Variants in GRIP1 observed in about 807,000 individuals in gnomAD.
The protein encoded by GRIP1 is glutamate receptor interacting protein 1.
A neutral mutation model predicts 129.9 loss-of-function variants in GRIP1; 45 were observed. The ratio of observed to expected loss-of-function variants is 0.35; its 90% CI spans 0.27 to 0.44. GRIP1 has a LOEUF of 0.44. GRIP1 is among the 20% of genes least tolerant of loss of function. GRIP1 has a pLI of 1.00. For missense variants in GRIP1, 1,196 were observed against 1,396.8 expected (o/e 0.86, Z 2.29); for synonymous variants, 530 against 520.8 (o/e 1.02, Z -0.24).
intron 7 of GRIP1, among the ~76,000 whole-genome samples, chr12:66,506,028 G>A (rs1565808369): frequency 1.3e-5 from 2 of 152,092 alleles, no homozygotes; most frequent in Non-Finnish European, 2.9e-5. Context: ...TGGTTAAAAT[G>A]AAAAAGACTG....
chr12:66,688,222 T>C lies in GRIP1; in HGVS notation c.-419-57886A>G, dbSNP rs2034852373. Among the ~76,000 whole-genome samples the C allele has an allele frequency of 1.3e-5, 2 of 152,204 alleles. 1 individual carries two copies. Among genetic ancestry groups the C allele is most frequent in the South Asian group, 4.1e-4 (2 of 4,824 alleles). On this transcript the variant is annotated intron_variant, in intron 1 of 4. Coordinates refer to the GRIP1 transcript ENST00000538373. The stretch of plus-strand genomic sequence containing the variant: ...CTTGGGATCAAAGAGTCTTGTCTAA[T>C]ACTCTTTTTTAAGCTTTAGATTCTT...
intron 4 of GRIP1, among the ~76,000 whole-genome samples, chr12:66,531,721 A>T (rs990607556): frequency 6.6e-6 from 1 of 152,206 alleles, no homozygotes; most frequent in East Asian, 1.9e-4. Context: ...AAACAAAAAA[A>T]ATTGAGTTCA....
At chr12:66,542,471 C>G (rs2904514) in intron 2 of GRIP1, among the ~76,000 whole-genome samples, 22,050 of 152,150 alleles carry the variant, frequency 0.14, 1,700 homozygotes, top group South Asian at 0.24. Context: ...CTTTCAAAAA[C>G]AAAGTATGAT....
intron 1 of GRIP1, among the ~76,000 whole-genome samples, chr12:66,992,374 A>G (rs986345438): frequency 2.8e-5 from 2 of 71,226 alleles, no homozygotes; most frequent in Admixed American, 1.5e-4. Flanking sequence ...GAAGGTTTAG[A>G]AAAAAAAAAT....
At chr12:67,015,047 T>C (rs1160093317) in intron 1 of GRIP1, among the ~76,000 whole-genome samples, 1 of 152,136 alleles carries the variant, frequency 6.6e-6, no homozygotes, top group Non-Finnish European at 1.5e-5. Context: ...AAAGAATCTC[T>C]ACTACACAAC....
intron 1 of GRIP1, among the ~76,000 whole-genome samples, chr12:66,950,486 T>C (rs1427695270): frequency 6.6e-6 from 1 of 152,192 alleles, no homozygotes; most frequent in Non-Finnish European, 1.5e-5. Flanking sequence ...TTAAAAGTCA[T>C]AGTTCTAAAA....
intron 5 of GRIP1, among the ~76,000 whole-genome samples, chr12:66,525,639 C>G (rs1178544098): frequency 1.3e-5 from 2 of 151,772 alleles, no homozygotes; most frequent in East Asian, 2.0e-4. Context: ...GATGCCCTCT[C>G]TCACCACTCC....
At chr12:67,054,224 C>A (rs1347538879) in intron 1 of GRIP1, among the ~76,000 whole-genome samples, 1 of 152,206 alleles carries the variant, frequency 6.6e-6, no homozygotes, top group Non-Finnish European at 1.5e-5. Context: ...TCATCATCTG[C>A]AAATCATTTC....
At chr12:66,921,905 A>G (rs2041219715) in intron 1 of GRIP1, among the ~76,000 whole-genome samples, 2 of 152,224 alleles carry the variant, frequency 1.3e-5, no homozygotes, top group Non-Finnish European at 1.5e-5. Context: ...TTGTCACTAA[A>G]AAGTAGCTAC....
At chr12:66,764,358 T>C (rs1016544826) in intron 1 of GRIP1, among the ~76,000 whole-genome samples, 1 of 152,220 alleles carries the variant, frequency 6.6e-6, no homozygotes, top group Admixed American at 6.5e-5. Context: ...GATCATCACG[T>C]TCATATCAGC....
At chr12:66,440,112 A>T (rs1412160021) in intron 13 of GRIP1, among the ~76,000 whole-genome samples, 1 of 152,156 alleles carries the variant, frequency 6.6e-6, no homozygotes, top group Non-Finnish European at 1.5e-5. Flanking sequence ...AACCATCTAA[A>T]AGCCAGCTAA....
At chr12:66,626,521 G>A (rs985637525) in intron 1 of GRIP1, 1 of 152,104 alleles carries the variant, frequency 6.6e-6, no homozygotes, top group African/African-American at 2.4e-5. Flanking sequence ...TTTCTTAAAT[G>A]TCTTGAATAT....
At chr12:66,715,521 G>A (rs1012065566) in intron 1 of GRIP1, among the ~76,000 whole-genome samples, 3 of 124,472 alleles carry the variant, frequency 2.4e-5, no homozygotes, top group Non-Finnish European at 5.3e-5. Flanking sequence ...AGAGAGAACT[G>A]TCTCCCCTCT....
At chr12:67,018,283 G>C (rs1479748030) in intron 1 of GRIP1, among the ~76,000 whole-genome samples, 1 of 152,074 alleles carries the variant, frequency 6.6e-6, no homozygotes, top group African/African-American at 2.4e-5. Flanking sequence ...CCTTTCTTGT[G>C]AGCTCCCAGG....
chr12:66,451,383 G>GT lies in GRIP1; in HGVS notation c.1354+4025dup, dbSNP rs1169331519. ...CCCCAAAGATTTATTATTATAATCT[G>GT]TTTTTTTTTTTTTTTTTTTTTTTTT... On this transcript the variant is annotated intron_variant, in intron 11 of 24. Transcript: ENST00000359742. Among the ~76,000 whole-genome samples, 115 of 42,650 alleles carry GT rather than the reference G, an allele frequency of 2.7e-3. 34 individuals are homozygous for GT. Among genetic ancestry groups the GT allele is most frequent in the East Asian group, 4.7e-3 (7 of 1,498 alleles). The allele number at this position is 42,650 out of a possible 152,430, so 28.0% of individuals were successfully genotyped here.
intron 1 of GRIP1, among the ~76,000 whole-genome samples, chr12:66,890,589 AG>A (rs1456653685): frequency 6.6e-6 from 1 of 152,234 alleles, no homozygotes; most frequent in Non-Finnish European, 1.5e-5. Context: ...AAAGTACTAC[AG>A]CTGCAACTAA....
intron 1 of GRIP1, among the ~76,000 whole-genome samples, chr12:66,709,625 G>A (rs910255724): frequency 4.0e-5 from 6 of 151,886 alleles, no homozygotes; most frequent in African/African-American, 1.2e-4. Context: ...ACTGGGGAAA[G>A]GGTACTGTGT....
In GRIP1 at chr12:66,677,774, G is replaced by T. The variant is rs148278856; in HGVS notation, c.55+1076C>A. ...TGATTTGCTTTGTGCTCATTCTTCT[G>T]CCAGATAAAATATTAATTGCATTTT... On this transcript the variant is annotated intron_variant, in intron 1 of 24. Coordinates refer to ENST00000359742, the MANE Select transcript of GRIP1 (RefSeq NM_001366722.1). 2.1e-4 allele frequency among the ~76,000 whole-genome samples: 32 copies of T among 152,188 alleles called. 1 individual carries two copies. Among genetic ancestry groups the T allele is most frequent in the African/African-American group, 7.2e-4 (30 of 41,526 alleles).
chr12:66,964,945 CCAAA>C (rs1289401069), intron 1 of GRIP1, among the ~76,000 whole-genome samples: 14 of 151,942 alleles, frequency 9.2e-5, no homozygotes, highest in Non-Finnish European at 2.1e-4. Flanking sequence ...CTTTGTGTGT[CCAAA>C]TTTCCTCTTC....
Sources: allele counts gnomAD v4.1 joint callset (sites outside exome capture counted in the v4.1 genomes callset), GRCh38; gene constraint gnomAD v4.1.1; transcripts MANE v1.5; gene names NCBI Gene and HGNC (gene_info 2026-07-23, HGNC 2026-07-21).